The following PCDH11X variants were observed in gnomAD, a reference collection of about 807,000 sequenced individuals.
PCDH11X encodes protocadherin 11 X-linked.
Under a neutral mutation model 53.3 loss-of-function variants are expected in PCDH11X, and 18 were observed. The ratio of observed to expected loss-of-function variants is 0.34; its 90% confidence interval spans 0.23 to 0.50. The LOEUF is 0.50. Among genes scored for constraint, PCDH11X ranks in the 20% least tolerant of loss-of-function variants. PCDH11X has a pLI of 0.98. For synonymous variants in PCDH11X, 279 were observed against 393.3 expected (o/e 0.71, Z 3.44); for missense variants, 570 against 1,032.4 (o/e 0.55, Z 6.14).
chrX:92,570,689 A>G (rs1269106077), intron 10 of PCDH11X, among the ~76,000 whole-genome samples: 19 of 101,341 alleles, frequency 1.9e-4, no homozygotes, highest in Non-Finnish European at 2.0e-5. Flanking sequence ...AGGGTACTCC[A>G]GCATAATATT....
chrX:92,060,880 A>G (rs1250318192), intron 6 of PCDH11X, among the ~76,000 whole-genome samples: 1 of 111,872 alleles, frequency 8.9e-6, no homozygotes, highest in East Asian at 2.8e-4. Context: ...GTAATTTTGT[A>G]TTAAGTTCTT....
Position 91,964,113 on chromosome X carries a change from A to G in PCDH11X, c.3033+84840A>G, listed in dbSNP as rs749042324. ...TTAGGGGCAAATTTAACCAAGGGAG[A>G]TGAAAGATCTCTACACTGAAAACTA... On this transcript the variant is annotated intron_variant, in intron 6 of 10. Transcript: ENST00000682573. 4.0e-3 allele frequency among the ~76,000 whole-genome samples: 419 copies of G among 105,160 alleles called. 2 individuals carry two copies. Among genetic ancestry groups the G allele is most frequent in the Non-Finnish European group, 5.9e-3 (308 of 52,431 alleles). The allele number at this position is 105,160 out of a possible 115,157, so 91.3% of individuals were successfully genotyped here.
intron 9 of PCDH11X, among the ~76,000 whole-genome samples, chrX:92,421,271 C>A (rs2071960525): frequency 8.9e-6 from 1 of 111,984 alleles, no homozygotes; most frequent in Non-Finnish European, 1.9e-5. Context: ...TCACTCTCCA[C>A]CATCAAATAG....
At chrX:92,583,290 G>A (rs1310245662) in intron 10 of PCDH11X, among the ~76,000 whole-genome samples, 32 of 101,078 alleles carry the variant, frequency 3.2e-4, no homozygotes, top group African/African-American at 1.1e-3. Flanking sequence ...TAGTAGAGAT[G>A]GGGTTTCTCC....
At chrX:92,302,178 G>A (rs928179172) in intron 8 of PCDH11X, among the ~76,000 whole-genome samples, 16 of 111,173 alleles carry the variant, frequency 1.4e-4, no homozygotes, top group Admixed American at 9.6e-5. Flanking sequence ...AGGAAGTTAG[G>A]GGCAGGGTAA....
chrX:92,111,569 A>T (rs1422907677), intron 6 of PCDH11X, among the ~76,000 whole-genome samples: 1 of 110,624 alleles, frequency 9.0e-6, no homozygotes, highest in African/African-American at 3.3e-5. Flanking sequence ...AACAGCATTT[A>T]TTTATCCAGT....
chrX:92,306,171 A>G, intron 8 of PCDH11X, among the ~76,000 whole-genome samples: 1 of 109,119 alleles, frequency 9.2e-6, no homozygotes, highest in East Asian at 2.9e-4. Context: ...AAGAAGTTGC[A>G]AGGGAAAATA....
chrX:92,446,153 TA>T (rs4020634), intron 9 of PCDH11X, among the ~76,000 whole-genome samples: 12,120 of 92,487 alleles, frequency 0.13, 615 homozygotes, highest in Non-Finnish European at 0.14. Context: ...AAAGCAGAAT[TA>T]AAAAAAAAAA....
chrX:92,051,837 G>A (rs2063371706), intron 6 of PCDH11X, among the ~76,000 whole-genome samples: 2 of 110,160 alleles, frequency 1.8e-5, no homozygotes, highest in East Asian at 2.9e-4. Context: ...GCAAACTAAT[G>A]AATTTCATGT....
At chrX:92,485,843 G>A (rs1483280834) in intron 10 of PCDH11X, among the ~76,000 whole-genome samples, 4 of 110,987 alleles carry the variant, frequency 3.6e-5, no homozygotes, top group Non-Finnish European at 7.6e-5. Context: ...AGAGAATTTG[G>A]GTAGCTTTAT....
chrX:92,031,026 G>A (rs1332528232), intron 6 of PCDH11X, among the ~76,000 whole-genome samples: 2 of 110,424 alleles, frequency 1.8e-5, no homozygotes, highest in African/African-American at 3.3e-5. Flanking sequence ...GGGATTGTAT[G>A]GTAGCTTTAT....
At chrX:92,404,551 T>C (rs1279874376) in intron 9 of PCDH11X, among the ~76,000 whole-genome samples, 1 of 110,395 alleles carries the variant, frequency 9.1e-6, no homozygotes, top group African/African-American at 3.3e-5. Context: ...ACAAGACATT[T>C]ATCCTTACTG....
chrX:92,161,267 A>G (rs1048562067), intron 6 of PCDH11X, among the ~76,000 whole-genome samples: 1 of 111,774 alleles, frequency 8.9e-6, no homozygotes, highest in Non-Finnish European at 1.9e-5. Context: ...TCTTTTCTTC[A>G]TTTATAAAGC....
intron 8 of PCDH11X, among the ~76,000 whole-genome samples, chrX:92,369,372 T>G (rs1284973104): frequency 1.8e-5 from 2 of 110,970 alleles, no homozygotes; most frequent in Non-Finnish European, 3.8e-5. Flanking sequence ...CCCACCAAGC[T>G]CGATCATCTC....
intron 10 of PCDH11X, among the ~76,000 whole-genome samples, chrX:92,493,955 A>T (rs1389741276): frequency 2.7e-4 from 30 of 109,282 alleles, no homozygotes; most frequent in African/African-American, 9.3e-4. Flanking sequence ...CTGCTCCGTT[A>T]ATTTTTATAT....
chrX:92,416,797 T>G (rs764515870), intron 9 of PCDH11X, among the ~76,000 whole-genome samples: 1 of 111,692 alleles, frequency 9.0e-6, no homozygotes, highest in African/African-American at 3.2e-5. Context: ...AAGTTAAATG[T>G]ATAATATTTC....
At chrX:91,787,966 A>G (rs1398883312) in intron 1 of PCDH11X, among the ~76,000 whole-genome samples, 1 of 111,958 alleles carries the variant, frequency 8.9e-6, no homozygotes, top group Non-Finnish European at 1.9e-5. Flanking sequence ...GGAAGGGACC[A>G]GAAAGATAAT....
intron 6 of PCDH11X, among the ~76,000 whole-genome samples, chrX:92,108,717 G>C (rs752574158): frequency 1.8e-5 from 2 of 111,370 alleles, no homozygotes; most frequent in East Asian, 2.8e-4. Flanking sequence ...TTTGAAATAC[G>C]AAGTGTTAAC....
intron 9 of PCDH11X, among the ~76,000 whole-genome samples, chrX:92,396,267 C>T (rs1465394944): frequency 1.1e-4 from 12 of 106,087 alleles, no homozygotes; most frequent in East Asian, 3.0e-4. Flanking sequence ...GGAGGAGAAA[C>T]GCAGAATATG....
Sources: gnomAD v4.1 joint callset for allele counts (sites outside exome capture counted in the v4.1 genomes callset) on GRCh38, gnomAD v4.1.1 for gene constraint, MANE v1.5 for transcripts, NCBI Gene and HGNC (gene_info 2026-07-23, HGNC 2026-07-21) for gene names.